The following PCBP3 variants were observed in gnomAD, a reference collection of about 807,000 sequenced individuals.
The protein encoded by PCBP3 is poly(rC)-binding protein 3.
PCBP3 carries 25 observed loss-of-function variants against 52.7 expected under a neutral mutation model. That is an observed-to-expected ratio of 0.47 (90% CI 0.35 to 0.66). PCBP3 has a LOEUF of 0.66. Among genes scored for constraint, PCBP3 ranks in the 30% least tolerant of loss-of-function variants. PCBP3 has a pLI of 0.01. For missense variants in PCBP3, 391 were observed against 490.3 expected (o/e 0.80, Z 1.91); for synonymous variants, 162 against 183.0 (o/e 0.89, Z 0.93).
At chr21:45,888,086 G>C (rs766395320) in intron 5 of PCBP3, among the ~76,000 whole-genome samples, 6 of 152,212 alleles carry the variant, frequency 3.9e-5, no homozygotes, top group Admixed American at 6.5e-5. Flanking sequence ...ACACTCTGCT[G>C]GGTACCTGTC....
At chr21:45,814,946 G>C in intron 4 of PCBP3, among the ~76,000 whole-genome samples, 1 of 136,928 alleles carries the variant, frequency 7.3e-6, no homozygotes, top group East Asian at 2.4e-4. Context: ...TGAGTGATGA[G>C]TGGTGAGTGA....
intron 4 of PCBP3, among the ~76,000 whole-genome samples, chr21:45,772,036 A>G (rs2089911311): frequency 6.6e-6 from 1 of 152,204 alleles, no homozygotes; most frequent in African/African-American, 2.4e-5. Context: ...GACACGTGAA[A>G]TTTTGTTACA....
intron 2 of PCBP3, among the ~76,000 whole-genome samples, chr21:45,669,801 GTGTGTA>G (rs1357117063): frequency 0.016 from 1,133 of 68,690 alleles, 3 homozygotes; most frequent in African/African-American, 0.024. Context: ...GTGTGTGTGT[GTGTGTA>G]TATATATATA....
intron 5 of PCBP3, among the ~76,000 whole-genome samples, chr21:45,893,321 G>T (rs902374328): frequency 2.0e-5 from 3 of 151,708 alleles, no homozygotes; most frequent in Non-Finnish European, 2.9e-5. Flanking sequence ...GGAGCTGGGG[G>T]CAGTGGGGGT....
chr21:45,823,338 T>C (rs981715441), intron 4 of PCBP3, among the ~76,000 whole-genome samples: 1 of 152,146 alleles, frequency 6.6e-6, no homozygotes, highest in Non-Finnish European at 1.5e-5. Flanking sequence ...CTTAATTCCT[T>C]CAGGGGACCT....
At chr21:45,899,296 C>T (rs569598879) in intron 6 of PCBP3, among the ~76,000 whole-genome samples, 1 of 152,316 alleles carries the variant, frequency 6.6e-6, no homozygotes, top group African/African-American at 2.4e-5. Flanking sequence ...GTGATGCCCC[C>T]TGAGTTATTT....
chr21:45,834,911 T>C (rs1374009258), intron 4 of PCBP3, among the ~76,000 whole-genome samples: 3 of 152,184 alleles, frequency 2.0e-5, no homozygotes, highest in Non-Finnish European at 4.4e-5. Context: ...GCAGCAGGAA[T>C]GGGGAGGCAC....
intron 4 of PCBP3, among the ~76,000 whole-genome samples, chr21:45,772,707 C>T (rs1215963285): frequency 6.6e-6 from 1 of 152,052 alleles, no homozygotes; most frequent in African/African-American, 2.4e-5. Flanking sequence ...TTTCTTTTTC[C>T]TGCATCCTCA....
chr21:45,656,587 C>A lies in PCBP3; in HGVS notation c.-278-12287C>A, dbSNP rs531017831. 6.6e-6 allele frequency among the ~76,000 whole-genome samples: 1 copy of A among 151,932 alleles called. No homozygotes were observed. Among genetic ancestry groups the A allele is most frequent in the African/African-American group, 2.4e-5 (1 of 41,344 alleles). ...AGCAAACCACCGTGGCATGTGTATA[C>A]CTGTGTAACAAACCTGCACGTTCTG... On this transcript the variant is annotated intron_variant, in intron 1 of 17. Coordinates refer to ENST00000681687, the MANE Select transcript of PCBP3 (RefSeq NM_001384156.1). This position sits in a 1 kb window ranked among gnomAD's most constrained non-coding sequence, Gnocchi z 4.3.
At chr21:45,882,785 C>A (rs2095432827) in intron 5 of PCBP3, among the ~76,000 whole-genome samples, 1 of 152,154 alleles carries the variant, frequency 6.6e-6, no homozygotes, top group Non-Finnish European at 1.5e-5. Context: ...AGAAACTGTC[C>A]TTCCCCGTGT....
At chr21:45,810,168 T>C (rs1409960037) in intron 4 of PCBP3, among the ~76,000 whole-genome samples, 1 of 152,176 alleles carries the variant, frequency 6.6e-6, no homozygotes, top group Non-Finnish European at 1.5e-5. Context: ...TTGCAATATA[T>C]AACCAATTTT....
At chr21:45,690,730 C>T (rs2082412905) in intron 2 of PCBP3, among the ~76,000 whole-genome samples, 1 of 152,064 alleles carries the variant, frequency 6.6e-6, no homozygotes, top group African/African-American at 2.4e-5. Flanking sequence ...CATCATTAGT[C>T]TTCAGGAAAA....
intron 13 of PCBP3, among the ~76,000 whole-genome samples, chr21:45,923,480 T>G (rs917516743): frequency 2.0e-5 from 3 of 152,190 alleles, no homozygotes; most frequent in African/African-American, 7.2e-5. Flanking sequence ...CACCGCACCC[T>G]CTGCAGGGCC....
In PCBP3 at chr21:45,930,915, T is replaced by C. The variant is rs897813974; in HGVS notation, c.856+70T>C. On this transcript the variant is annotated intron_variant, in intron 15 of 17. Coordinates refer to ENST00000681687, the MANE Select transcript of PCBP3 (RefSeq NM_001384156.1). ...AGCAGAGCCCCAGTGGGAGGAGGTG[T>C]GGGGGCCCTGCCGCTGCAGCAGTTT... 7 of 1,593,058 alleles carry C rather than the reference T, an allele frequency of 4.4e-6. No individual in the cohort carries two copies. The African/African-American group carries it at 5.4e-5, about 12-fold the overall frequency.
intron 4 of PCBP3, among the ~76,000 whole-genome samples, chr21:45,804,284 A>G (rs558075485): frequency 1.3e-5 from 2 of 152,328 alleles, no homozygotes; most frequent in African/African-American, 4.8e-5. Context: ...TTAGTGGTAC[A>G]ATATCTTGTC....
chr21:45,716,695 A>G (rs1286996119), intron 2 of PCBP3, among the ~76,000 whole-genome samples: 1 of 152,148 alleles, frequency 6.6e-6, no homozygotes, highest in Non-Finnish European at 1.5e-5. Flanking sequence ...TAGGTCTTCA[A>G]CACATGGGTT....
intron 10 of PCBP3, among the ~76,000 whole-genome samples, chr21:45,909,927 T>TGGACCCGGCCCACCCACTGCCCAGATAC (rs2096317546): frequency 2.8e-5 from 1 of 35,556 alleles, no homozygotes; most frequent in Non-Finnish European, 5.4e-5. Context: ...TGCCCAGATA[T>TGGACCCGGCCCACCCACTGCCCAGATAC]GGACCCCCCC....
chr21:45,745,844 G>C (rs1208664295), intron 3 of PCBP3, among the ~76,000 whole-genome samples: 1 of 152,274 alleles, frequency 6.6e-6, no homozygotes, highest in African/African-American at 2.4e-5. Flanking sequence ...ACACTTCAGA[G>C]TGAGGCGCAC....
At chr21:45,783,902 T>TCA (rs951206426) in intron 4 of PCBP3, among the ~76,000 whole-genome samples, 3 of 152,196 alleles carry the variant, frequency 2.0e-5, no homozygotes, top group Admixed American at 6.5e-5. Context: ...AGCAGGACTT[T>TCA]CACACACACA....
Sources: gnomAD v4.1 joint callset for allele counts (sites outside exome capture counted in the v4.1 genomes callset) on GRCh38, gnomAD v4.1.1 for gene constraint, Gnocchi (gnomAD v3.1) non-coding constraint, MANE v1.5 for transcripts, NCBI Gene and HGNC (gene_info 2026-07-23, HGNC 2026-07-21) for gene names.